Variants in CWC27 observed in about 807,000 individuals in gnomAD.
CWC27 encodes the protein spliceosome-associated protein CWC27 homolog.
Under a neutral mutation model 63.6 loss-of-function variants are expected in CWC27, and 47 were observed. That is an observed-to-expected ratio of 0.74 (90% CI 0.58 to 0.94). The LOEUF (loss-of-function observed/expected upper bound fraction) is 0.94, where lower values mean the gene tolerates loss of function less well. Ranked by LOEUF, CWC27 falls within the 40% of genes least tolerant of loss-of-function variation. The pLI, the probability that CWC27 is intolerant of heterozygous loss-of-function variation, is 0.00. For missense variants in CWC27, 495 were observed against 554.3 expected, an observed-to-expected ratio of 0.89 and a Z score of 1.07; for synonymous variants, 175 against 179.8, an observed-to-expected ratio of 0.97 and a Z score of 0.22.
At chr5:64,921,330 T>C (rs1252389500) in intron 11 of CWC27, among the ~76,000 whole-genome samples, 1 of 152,162 alleles carries the variant, frequency 6.6e-6, no homozygotes, top group Non-Finnish European at 1.5e-5. Flanking sequence ...TTTTAATTTG[T>C]TGAGACTTGC....
chr5:64,858,750 A>G (rs1424036888), intron 10 of CWC27, among the ~76,000 whole-genome samples: 1 of 152,142 alleles, frequency 6.6e-6, no homozygotes, highest in Non-Finnish European at 1.5e-5. Flanking sequence ...AAAAAACCAG[A>G]TGTTAGCAAG....
chr5:64,966,406 T>C (rs974099791), intron 11 of CWC27, among the ~76,000 whole-genome samples: 5 of 152,160 alleles, frequency 3.3e-5, no homozygotes, highest in African/African-American at 1.2e-4. Context: ...TTTGATACTT[T>C]CATAATTTAA....
intron 10 of CWC27, among the ~76,000 whole-genome samples, chr5:64,810,921 CAAG>C (rs1744860038): frequency 6.6e-6 from 1 of 151,940 alleles, no homozygotes; most frequent in African/African-American, 2.4e-5. Context: ...ATAAAAGGGT[CAAG>C]AAAGTGAGAA....
At chr5:64,822,380 G>C (rs1384062921) in intron 10 of CWC27, among the ~76,000 whole-genome samples, 1 of 152,166 alleles carries the variant, frequency 6.6e-6, no homozygotes, top group Non-Finnish European at 1.5e-5. Context: ...AAGTACAGTA[G>C]CTTCATGGAA....
intron 7 of CWC27, among the ~76,000 whole-genome samples, chr5:64,796,002 CGTGTGTGTGT>C (rs56699605): frequency 4.2e-4 from 57 of 135,884 alleles, no homozygotes; most frequent in South Asian, 9.8e-4. Flanking sequence ...AGAAATTGTG[CGTGTGTGTGT>C]GTGTGTGTGT....
intron 10 of CWC27, among the ~76,000 whole-genome samples, chr5:64,827,308 CT>C (rs1453033202): frequency 1.3e-5 from 2 of 152,124 alleles, no homozygotes; most frequent in Non-Finnish European, 2.9e-5. Context: ...AGTATCTTAC[CT>C]AGCCTCAGAA....
In CWC27 at chr5:64,870,495, AAAAAT is replaced by A. The variant is rs1195843343; in HGVS notation, c.939-14946_939-14942del. Among the ~76,000 whole-genome samples the A allele has an allele frequency of 1.9e-4, 29 of 150,012 alleles. No individual in the cohort carries two copies. In the East Asian group the frequency reaches 5.1e-3, roughly 27 times the overall value. Reference sequence around the variant, plus strand: ...TCTTAAATTGGTTAAAAAAAAAAAAAAAAATACATGATCCATTAAGTGTCTTGAAC... The same window carrying A: ...TCTTAAATTGGTTAAAAAAAAAAAAAACATGATCCATTAAGTGTCTTGAAC... On this transcript the variant is annotated intron_variant, in intron 10 of 13. Coordinates refer to ENST00000381070, the MANE Select transcript of CWC27 (RefSeq NM_005869.4).
intron 10 of CWC27, among the ~76,000 whole-genome samples, chr5:64,810,671 A>G (rs981014224): frequency 6.6e-6 from 1 of 152,068 alleles, no homozygotes; most frequent in Non-Finnish European, 1.5e-5. Flanking sequence ...TCTCACATCT[A>G]AGAGCATACA....
intron 10 of CWC27, among the ~76,000 whole-genome samples, chr5:64,869,348 T>C (rs1024398887): frequency 3.9e-5 from 6 of 152,064 alleles, no homozygotes; most frequent in African/African-American, 1.4e-4. Flanking sequence ...GATTTTATAT[T>C]AGCTAAATTA....
intron 11 of CWC27, among the ~76,000 whole-genome samples, chr5:64,944,755 T>C (rs900525817): frequency 7.9e-5 from 12 of 151,778 alleles, no homozygotes; most frequent in African/African-American, 2.9e-4. Flanking sequence ...TGTAGATTAG[T>C]GCAGTCGTTT....
intron 10 of CWC27, among the ~76,000 whole-genome samples, chr5:64,882,832 G>A (rs755543158): frequency 1.3e-5 from 2 of 152,046 alleles, no homozygotes; most frequent in Non-Finnish European, 2.9e-5. Flanking sequence ...TCCTGACCTC[G>A]TGATCCACCT....
At chr5:64,884,916 C>T (rs995713006) in intron 10 of CWC27, among the ~76,000 whole-genome samples, 1 of 152,064 alleles carries the variant, frequency 6.6e-6, no homozygotes, top group Non-Finnish European at 1.5e-5. Flanking sequence ...AATGTATATG[C>T]CAAACTGTAG....
rs929672089 is a variant in CWC27 at position 64,804,089 on chromosome 5, T to C, written c.781-140T>C. 1.7e-5 allele frequency: 13 copies of C among 754,130 alleles called. 1 individual carries two copies. In the East Asian group the frequency reaches 2.3e-4, roughly 13 times the overall value. 46.7% of individuals were successfully genotyped at this position (754,130 alleles called of 1,614,324 possible). ...CTGTAGCAGATTCTTCAAGGGCTTATAATTCAAAACAAAAGAAAACAAAAT... is the reference window on the plus strand; with the variant it reads ...CTGTAGCAGATTCTTCAAGGGCTTACAATTCAAAACAAAAGAAAACAAAAT... On this transcript the variant is annotated intron_variant, in intron 9 of 13. Transcript: ENST00000381070.
At chr5:64,865,876 G>A (rs1416923236) in intron 10 of CWC27, among the ~76,000 whole-genome samples, 3 of 152,014 alleles carry the variant, frequency 2.0e-5, no homozygotes, top group Non-Finnish European at 2.9e-5. Flanking sequence ...AGTACATCTT[G>A]AATCATCTTT....
intron 13 of CWC27, among the ~76,000 whole-genome samples, chr5:65,011,617 A>G (rs1301391914): frequency 6.6e-6 from 1 of 152,258 alleles, no homozygotes; most frequent in African/African-American, 2.4e-5. Context: ...CACATTGGGA[A>G]TTTTGGGTTT....
chr5:65,009,295 A>T (rs1442829690), intron 13 of CWC27, among the ~76,000 whole-genome samples: 1 of 152,156 alleles, frequency 6.6e-6, no homozygotes, highest in East Asian at 1.9e-4. Flanking sequence ...CACCCCCATG[A>T]CCCAAACACT....
At chr5:64,942,196 C>T (rs1363563516) in intron 11 of CWC27, among the ~76,000 whole-genome samples, 1 of 151,418 alleles carries the variant, frequency 6.6e-6, no homozygotes, top group Non-Finnish European at 1.5e-5. Flanking sequence ...GAGGCTGAGA[C>T]AGGAGTATGC....
At chr5:64,865,404 C>A (rs1319933588) in intron 10 of CWC27, among the ~76,000 whole-genome samples, 1 of 151,830 alleles carries the variant, frequency 6.6e-6, no homozygotes, top group Non-Finnish European at 1.5e-5. Context: ...TTAGTATTCA[C>A]CTATAAGTGT....
At chr5:65,017,652 A>G (rs1356790382) in intron 13 of CWC27, among the ~76,000 whole-genome samples, 19 of 152,228 alleles carry the variant, frequency 1.2e-4, no homozygotes, top group Admixed American at 1.0e-3. Flanking sequence ...CAAATTCCCC[A>G]GGAAAGAGAG....
Sources: allele counts gnomAD v4.1 joint callset (sites outside exome capture counted in the v4.1 genomes callset), GRCh38; gene constraint gnomAD v4.1.1; transcripts MANE v1.5; gene names NCBI Gene and HGNC (gene_info 2026-07-23, HGNC 2026-07-21).